GPD2: variants seen among roughly 807,000 people sequenced by gnomAD.
GPD2 encodes the protein glycerol-3-phosphate dehydrogenase, mitochondrial.
Under a neutral mutation model 82.4 loss-of-function variants are expected in GPD2, and 54 were observed. The observed-to-expected ratio is 0.66, with a 90% CI of 0.53 to 0.82. GPD2 has a LOEUF of 0.82. GPD2 is among the 40% of genes least tolerant of loss of function. The pLI, the probability that GPD2 is intolerant of heterozygous loss-of-function variation, is 0.00. For synonymous variants in GPD2, 288 were observed against 306.1 expected (o/e 0.94, Z 0.62); for missense variants, 748 against 896.2 (o/e 0.83, Z 2.11).
At chr2:156,557,967 G>A (rs1286013006) in intron 9 of GPD2, among the ~76,000 whole-genome samples, 3 of 152,154 alleles carry the variant, frequency 2.0e-5, no homozygotes, top group East Asian at 1.9e-4. Context: ...GCAAATAAAC[G>A]AGAGGCTGGA....
At chr2:156,496,257 T>G (rs1389225849) in intron 3 of GPD2, 42 bp downstream of exon 3, 1 of 1,391,624 alleles carries the variant, frequency 7.2e-7, no homozygotes, top group African/African-American at 1.4e-5. Context: ...AGTTCTGGGG[T>G]ACATGTGCAG....
upstream of GPD2, among the ~76,000 whole-genome samples, chr2:156,435,054 C>T (rs2105127283): frequency 6.6e-6 from 1 of 152,158 alleles, no homozygotes. Context: ...ATCATTGCTC[C>T]TCTGTGGACT....
At chr2:156,459,127 G>A (rs1481973022) in intron 1 of GPD2, among the ~76,000 whole-genome samples, 1 of 152,062 alleles carries the variant, frequency 6.6e-6, no homozygotes, top group Non-Finnish European at 1.5e-5. Context: ...ACTTAACTCA[G>A]AAAGGATTAA....
chr2:156,557,549 GAAGTGCGT>G lies in GPD2; in HGVS notation c.1135_1142del (p.Val379LeufsTer5), dbSNP rs1373094232. ...AGAAGATATCAACTTCATTTTGAAT[GAAGTGCGT>G]AATTACCTGAGTTGTGATGTTGAAG... On this transcript the variant is annotated frameshift_variant, in exon 9 of 17. Coordinates refer to ENST00000438166, the MANE Select transcript of GPD2 (RefSeq NM_000408.5). LOFTEE classifies it high-confidence loss of function. The G allele has an allele frequency of 6.2e-7, 1 of 1,601,024 alleles. No individual in the cohort carries two copies. Among genetic ancestry groups the G allele is most frequent in the Non-Finnish European group, 8.6e-7 (1 of 1,168,254 alleles).
intron 16 of GPD2, among the ~76,000 whole-genome samples, chr2:156,581,579 T>A (rs896288484): frequency 2.1e-4 from 32 of 152,264 alleles, no homozygotes; most frequent in African/African-American, 4.8e-4. Context: ...TTAGTTTTTT[T>A]AAAATATTTT....
At chr2:156,477,306 T>C (rs1442182756) in intron 2 of GPD2, among the ~76,000 whole-genome samples, 1 of 151,946 alleles carries the variant, frequency 6.6e-6, no homozygotes, top group African/African-American at 2.4e-5. Flanking sequence ...ATGGTGTACA[T>C]CTGTAGTCCC....
At position 156,585,719 on chromosome 2, in the gene GPD2, A is replaced by G. The variant is rs1296003973; in HGVS notation, c.*2801A>G. The G allele has an allele frequency of 6.6e-6, 1 of 152,574 alleles. No homozygotes were observed. Among genetic ancestry groups the G allele is most frequent in the East Asian group, 1.9e-4 (1 of 5,164 alleles). The allele number at this position is 152,574 out of a possible 1,614,324, so 9.5% of individuals were successfully genotyped here. ...TACTAAATATACTGTAGGAGTCATCATTGATGTTATTTTTCTCTTATGTAT... is the reference window on the plus strand; with the variant it reads ...TACTAAATATACTGTAGGAGTCATCGTTGATGTTATTTTTCTCTTATGTAT... On this transcript the variant is annotated 3_prime_UTR_variant, in exon 17 of 17. Coordinates refer to ENST00000438166, the MANE Select transcript of GPD2 (RefSeq NM_000408.5).
At position 156,569,448 on chromosome 2, in the gene GPD2, T is replaced by C; in HGVS notation, c.1386T>C (p.Ser462=). 1 of 1,610,882 alleles carries C rather than the reference T, an allele frequency of 6.2e-7. No homozygotes were observed. The change falls in exon 11 of 17, where the codon AGT becomes AGC. Residue 462 remains serine (S), a synonymous_variant. Transcript: ENST00000438166. The part of the protein sequence containing the change: ...VKTHNLKAGP[S]RTVGLFLQGG... ...CTCATAATTTAAAAGCAGGACCAAGTAGAACAGTTGGGCTTTTCCTTCAAG... is the reference window on the plus strand; with the variant it reads ...CTCATAATTTAAAAGCAGGACCAAGCAGAACAGTTGGGCTTTTCCTTCAAG...
chr2:156,578,663 TGAG>T (rs1172363316), intron 13 of GPD2, among the ~76,000 whole-genome samples: 1 of 152,142 alleles, frequency 6.6e-6, no homozygotes, highest in African/African-American at 2.4e-5. Context: ...CAAATGGACA[TGAG>T]GAAAGTTTTA....
intron 6 of GPD2, among the ~76,000 whole-genome samples, chr2:156,524,492 C>G (rs1338777695): frequency 2.6e-5 from 4 of 152,084 alleles, no homozygotes; most frequent in Non-Finnish European, 5.9e-5. Context: ...CTGGGGTGGC[C>G]ACAACTTGGT....
chr2:156,424,357 A>G, the GPD2 span, among the ~76,000 whole-genome samples: 9 of 152,344 alleles, frequency 5.9e-5, no homozygotes, highest in Admixed American at 5.2e-4. Flanking sequence ...TAACTATTTT[A>G]GATCATCAGG....
At chr2:156,423,261 T>C in the GPD2 span, among the ~76,000 whole-genome samples, 1 of 152,222 alleles carries the variant, frequency 6.6e-6, no homozygotes, top group African/African-American at 2.4e-5. Flanking sequence ...TAGCAAGTTA[T>C]TAGGTTGGTG....
intron 6 of GPD2, among the ~76,000 whole-genome samples, chr2:156,534,614 A>G (rs745949384): frequency 6.6e-6 from 1 of 152,234 alleles, no homozygotes; most frequent in Non-Finnish European, 1.5e-5. Flanking sequence ...CTATAAAGGA[A>G]GCAGCATTTT....
intron 2 of GPD2, among the ~76,000 whole-genome samples, chr2:156,483,804 A>G (rs1558921118): frequency 6.6e-6 from 1 of 152,212 alleles, no homozygotes. Context: ...CTTTGTTTGA[A>G]TATAACAATT....
chr2:156,543,302 C>A (rs1686397753), intron 6 of GPD2, among the ~76,000 whole-genome samples: 1 of 152,172 alleles, frequency 6.6e-6, no homozygotes, highest in African/African-American at 2.4e-5. Context: ...TTTGATCAGC[C>A]TCTGAACTGT....
intron 1 of GPD2, among the ~76,000 whole-genome samples, chr2:156,445,189 C>G (rs964402571): frequency 2.0e-5 from 3 of 152,170 alleles, no homozygotes; most frequent in African/African-American, 7.2e-5. Context: ...ACTTTGTGCA[C>G]ATTTTTTAAT....
chr2:156,501,553 A>G (rs1413774444), intron 3 of GPD2, among the ~76,000 whole-genome samples: 1 of 152,174 alleles, frequency 6.6e-6, no homozygotes, highest in Non-Finnish European at 1.5e-5. Context: ...TGTGCATTGT[A>G]GGATAAATGC....
the GPD2 span, among the ~76,000 whole-genome samples, chr2:156,429,917 A>C: frequency 6.6e-6 from 1 of 152,198 alleles, no homozygotes; most frequent in African/African-American, 2.4e-5. Flanking sequence ...CAGCACTGTT[A>C]ATCTTTTAGA....
upstream of GPD2, among the ~76,000 whole-genome samples, chr2:156,435,079 G>A (rs984623814): frequency 1.4e-4 from 21 of 152,090 alleles, no homozygotes; most frequent in African/African-American, 5.1e-4. Flanking sequence ...ATGGTTCCCT[G>A]AAGTTACTGA....
Sources: gnomAD v4.1 joint callset for allele counts (sites outside exome capture counted in the v4.1 genomes callset) on GRCh38, gnomAD v4.1.1 for gene constraint, MANE v1.5 for transcripts, NCBI Gene and HGNC (gene_info 2026-07-23, HGNC 2026-07-21) for gene names.